The following NEK11 variants were observed in gnomAD, a reference collection of about 807,000 sequenced individuals.
NEK11 encodes the protein serine/threonine-protein kinase Nek11.
Under a neutral mutation model 80.7 loss-of-function variants are expected in NEK11, and 72 were observed. That is an observed-to-expected ratio of 0.89 (90% CI 0.74 to 1.08). The LOEUF is 1.08. Ranked by LOEUF, NEK11 falls within the 50% of genes least tolerant of loss-of-function variation. NEK11 has a pLI of 0.00. For missense variants in NEK11, 764 were observed against 763.6 expected, an observed-to-expected ratio of 1.00 and a Z score of -0.01; for synonymous variants, 251 against 260.7, an observed-to-expected ratio of 0.96 and a Z score of 0.36.
intron 17 of NEK11, among the ~76,000 whole-genome samples, chr3:131,336,948 T>G (rs1191515794): frequency 1.3e-5 from 2 of 151,920 alleles, no homozygotes; most frequent in Non-Finnish European, 2.9e-5. Flanking sequence ...TGGCAATCAT[T>G]AAAAAGTCAG....
intron 16 of NEK11, among the ~76,000 whole-genome samples, chr3:131,244,485 T>C (rs929776824): frequency 2.6e-5 from 4 of 152,112 alleles, no homozygotes; most frequent in African/African-American, 9.7e-5. Context: ...TAATTTTCAA[T>C]CTAGGCTCCT....
chr3:131,119,220 G>T (rs533864943), intron 5 of NEK11, among the ~76,000 whole-genome samples: 1 of 152,134 alleles, frequency 6.6e-6, no homozygotes. Context: ...CCTTCATTTT[G>T]TTATGTACGC....
At chr3:131,034,359 T>A (rs1347037243) in intron 3 of NEK11, among the ~76,000 whole-genome samples, 1 of 152,206 alleles carries the variant, frequency 6.6e-6, no homozygotes, top group African/African-American at 2.4e-5. Context: ...TTTTATGCTG[T>A]TGTCTGTTTT....
Position 131,057,227 on chromosome 3 carries a change from T to C in NEK11, c.171-23196T>C, listed in dbSNP as rs1479340965. Reference sequence around the variant, plus strand: ...ACAAAGGACATGAACTCATCATTTTTTATGGCTGCATAGTATTCCATGGTG... The same window carrying C: ...ACAAAGGACATGAACTCATCATTTTCTATGGCTGCATAGTATTCCATGGTG... On this transcript the variant is annotated intron_variant, in intron 3 of 17. Coordinates refer to ENST00000383366, the MANE Select transcript of NEK11 (RefSeq NM_024800.5). Among the ~76,000 whole-genome samples the C allele has an allele frequency of 2.6e-5, 4 of 151,894 alleles. 1 individual carries two copies. The highest frequency in any genetic ancestry group is 1.9e-4 in the East Asian group (1 of 5,182).
intron 17 of NEK11, among the ~76,000 whole-genome samples, chr3:131,310,159 G>C (rs999207803): frequency 6.6e-6 from 1 of 152,066 alleles, no homozygotes; most frequent in African/African-American, 2.4e-5. Flanking sequence ...ATAGCTGTTG[G>C]GTGAGTGAAT....
At chr3:131,246,287 A>G (rs1031946061) in intron 16 of NEK11, among the ~76,000 whole-genome samples, 2 of 151,912 alleles carry the variant, frequency 1.3e-5, no homozygotes, top group African/African-American at 4.8e-5. Context: ...CTAAAGTCCA[A>G]ATGTATCATT....
chr3:131,202,350 G>A (rs113226926), intron 14 of NEK11, among the ~76,000 whole-genome samples: 2 of 152,264 alleles, frequency 1.3e-5, no homozygotes, highest in African/African-American at 4.8e-5. Context: ...GCCAAGGGAA[G>A]CCCTGACAGA....
At chr3:131,235,305 A>G (rs2095412351) in intron 15 of NEK11, among the ~76,000 whole-genome samples, 1 of 152,112 alleles carries the variant, frequency 6.6e-6, no homozygotes. Context: ...ACCCTACATT[A>G]ATCCCTGTTT....
chr3:131,213,773 C>T (rs1440551705), intron 14 of NEK11, among the ~76,000 whole-genome samples: 1 of 152,164 alleles, frequency 6.6e-6, no homozygotes, highest in East Asian at 1.9e-4. Flanking sequence ...CAGAGTTCAT[C>T]AAGTTCCCCA....
chr3:131,292,052 C>A (rs1328275427), intron 17 of NEK11, among the ~76,000 whole-genome samples: 2 of 152,170 alleles, frequency 1.3e-5, no homozygotes, highest in African/African-American at 2.4e-5. Context: ...TATAGTCTTG[C>A]ACTTTACATT....
intron 5 of NEK11, among the ~76,000 whole-genome samples, chr3:131,131,330 C>T (rs1222949482): frequency 2.0e-5 from 3 of 152,122 alleles, no homozygotes; most frequent in Non-Finnish European, 2.9e-5. Context: ...TGGTAGAATT[C>T]GCCAGTGAAC....
chr3:131,253,575 T>C (rs1397573833), intron 16 of NEK11, among the ~76,000 whole-genome samples: 1 of 152,182 alleles, frequency 6.6e-6, no homozygotes, highest in Non-Finnish European at 1.5e-5. Context: ...TTATAAAGTT[T>C]GCATTATAAG....
intron 10 of NEK11, among the ~76,000 whole-genome samples, chr3:131,158,728 G>A (rs1435324422): frequency 6.6e-6 from 1 of 152,200 alleles, no homozygotes; most frequent in African/African-American, 2.4e-5. Context: ...CCCACAGGGA[G>A]ACAGGCACCC....
At chr3:131,147,242 T>C (rs1413912320) in intron 7 of NEK11, among the ~76,000 whole-genome samples, 1 of 152,134 alleles carries the variant, frequency 6.6e-6, no homozygotes, top group Non-Finnish European at 1.5e-5. Flanking sequence ...TGTATGTGAC[T>C]ATATGGTATG....
intron 7 of NEK11, among the ~76,000 whole-genome samples, chr3:131,135,451 T>C (rs952089708): frequency 6.6e-5 from 10 of 152,162 alleles, no homozygotes; most frequent in Non-Finnish European, 1.3e-4. Flanking sequence ...GAGGAATAAC[T>C]AATGAGTTCC....
chr3:131,140,500 T>G (rs2086645514), intron 7 of NEK11, among the ~76,000 whole-genome samples: 1 of 152,166 alleles, frequency 6.6e-6, no homozygotes, highest in Admixed American at 6.5e-5. Flanking sequence ...ACCAAAAAGA[T>G]TCATGATCAA....
intron 3 of NEK11, among the ~76,000 whole-genome samples, chr3:131,063,363 C>T (rs2071272816): frequency 6.6e-6 from 1 of 152,202 alleles, no homozygotes; most frequent in African/African-American, 2.4e-5. Flanking sequence ...AAGCCCCTTA[C>T]TCTGTGGTTA....
intron 17 of NEK11, among the ~76,000 whole-genome samples, chr3:131,332,094 A>G (rs900703198): frequency 6.6e-6 from 1 of 152,260 alleles, no homozygotes; most frequent in Non-Finnish European, 1.5e-5. Flanking sequence ...TCCCGGTCTG[A>G]CAGCTTTGAA....
chr3:131,330,339 A>C (rs1238164497), intron 17 of NEK11: 1 of 152,154 alleles, frequency 6.6e-6, no homozygotes, highest in African/African-American at 2.4e-5. Context: ...TCCACACAGA[A>C]GTGTCAAGTA....
Sources: gnomAD v4.1 joint callset for allele counts (sites outside exome capture counted in the v4.1 genomes callset) on GRCh38, gnomAD v4.1.1 for gene constraint, MANE v1.5 for transcripts, NCBI Gene and HGNC (gene_info 2026-07-23, HGNC 2026-07-21) for gene names.